Variants in MTMR10 observed in about 807,000 individuals in gnomAD.
The protein encoded by MTMR10 is myotubularin related protein 10.
MTMR10 carries 56 observed loss-of-function variants against 88.1 expected under a neutral mutation model. The observed-to-expected ratio is 0.64, with a 90% CI of 0.51 to 0.79. MTMR10 has a LOEUF of 0.79. MTMR10 is among the 30% of genes least tolerant of loss of function. MTMR10 has a pLI of 0.00. For missense variants in MTMR10, 883 were observed against 924.7 expected (o/e 0.95, Z 0.58); for synonymous variants, 380 against 340.9 (o/e 1.11, Z -1.26).
intron 11 of MTMR10, among the ~76,000 whole-genome samples, chr15:30,952,277 C>T (rs1007430914): frequency 1.3e-5 from 2 of 152,238 alleles, no homozygotes; most frequent in Non-Finnish European, 2.9e-5. Flanking sequence ...AGAGGATTGA[C>T]TGCTTTCTAC....
At chr15:30,969,997 GAAC>G (rs1454341127) in intron 5 of MTMR10, among the ~76,000 whole-genome samples, 1 of 152,090 alleles carries the variant, frequency 6.6e-6, no homozygotes, top group Non-Finnish European at 1.5e-5. Flanking sequence ...CAGAAACCCA[GAAC>G]AACAGTTTCA....
intron 15 of MTMR10, 108 bp downstream of exon 15, chr15:30,942,782 T>C: frequency 8.7e-7 from 1 of 1,146,306 alleles, no homozygotes; most frequent in Non-Finnish European, 1.2e-6. Flanking sequence ...AAACCCGCAT[T>C]AGCAGTGTTA....
chr15:30,987,594 C>T (rs1337752536), intron 2 of MTMR10, among the ~76,000 whole-genome samples: 1 of 152,138 alleles, frequency 6.6e-6, no homozygotes, highest in Non-Finnish European at 1.5e-5. Flanking sequence ...GAAGTTCAAA[C>T]TTTGGGCAAC....
In MTMR10 at chr15:30,947,202, A is replaced by G; in HGVS notation, c.1476T>C (p.Tyr492=). Residue 492 remains tyrosine, a synonymous_variant, in exon 14 of 16, where the codon TAT becomes TAC. Coordinates refer to ENST00000435680, the MANE Select transcript of MTMR10 (RefSeq NM_017762.3). The part of the protein sequence containing the change: ...EFSETYLAVL[Y]DSTRISLFGT... ...CAAACAGTGAGATCCGGGTGCTGTC[A>G]TACAACACTGCCAGGTAGGTTTCGG... 6 of 1,614,020 alleles carry G rather than the reference A, an allele frequency of 3.7e-6. No homozygotes were observed. Among genetic ancestry groups the G allele is most frequent in the Non-Finnish European group, 5.1e-6 (6 of 1,179,886 alleles).
rs765542314 is a variant in MTMR10, at chr15:30,941,846, T to G, written c.1958A>C (p.His653Pro). 2 of 1,614,044 alleles carry G rather than the reference T, an allele frequency of 1.2e-6. No individual in the cohort carries two copies. Among genetic ancestry groups the G allele is most frequent in the Non-Finnish European group, 1.7e-6 (2 of 1,179,904 alleles). Residue 653 changes from histidine to proline, a missense_variant, in exon 16 of 16, where the codon CAC becomes CCC. By Grantham distance (77) the His-to-Pro change is moderately conservative. Transcript: ENST00000435680. ...GVILPRVSGT[H>P]IKLWKLCYFR... is the part of the protein sequence containing the mutation. The stretch of plus-strand genomic sequence containing the variant: ...GTAGCACAGTTTCCACAGTTTTATG[T>G]GTGTTCCAGAGACACGTGGCAGAAT...
intron 2 of MTMR10, among the ~76,000 whole-genome samples, chr15:30,986,227 G>A (rs1462496370): frequency 1.3e-5 from 2 of 152,058 alleles, no homozygotes; most frequent in African/African-American, 4.8e-5. Flanking sequence ...TGAGCTGTGA[G>A]GATCACTCGA....
At chr15:30,972,483 C>T (rs2063549319) in intron 5 of MTMR10, among the ~76,000 whole-genome samples, 1 of 152,028 alleles carries the variant, frequency 6.6e-6, no homozygotes, top group Admixed American at 6.6e-5. Flanking sequence ...GAAACTTGGT[C>T]TTAGGAAAGG....
chr15:30,943,176 G>A, intron 14 of MTMR10, 104 bp from the exon 15 acceptor site: 2 of 1,443,372 alleles, frequency 1.4e-6, no homozygotes, highest in Non-Finnish European at 1.8e-6. Context: ...GTTCTGTACT[G>A]CAGCCCTCAA....
In MTMR10 at chr15:30,940,984, A is replaced by C. The variant is rs1418782995; in HGVS notation, c.*486T>G. Reference sequence around the variant, plus strand: ...AAATCATAAATTCTGGCCCCAGAACACTGAACCTTCATCAGGTGAGTTCAA... The same window carrying C: ...AAATCATAAATTCTGGCCCCAGAACCCTGAACCTTCATCAGGTGAGTTCAA... On this transcript the variant is annotated 3_prime_UTR_variant, in exon 16 of 16. Transcript: ENST00000435680. 1.8e-6 allele frequency: 2 copies of C among 1,133,664 alleles called. No homozygotes were observed. The highest frequency in any genetic ancestry group is 1.1e-6 in the Non-Finnish European group (1 of 914,860). 70.2% of individuals were successfully genotyped at this position (1,133,664 alleles called of 1,614,324 possible). A position where few individuals can be genotyped will look rare whatever the true frequency, so the allele number is the denominator to read the frequency against.
intron 5 of MTMR10, among the ~76,000 whole-genome samples, chr15:30,972,119 A>T (rs1467089312): frequency 6.6e-6 from 1 of 152,214 alleles, no homozygotes; most frequent in Admixed American, 6.6e-5. Context: ...TTTTAAAGCA[A>T]CTGATAAAAT....
chr15:30,938,595 G>A (rs1055173992), downstream of MTMR10, among the ~76,000 whole-genome samples: 2 of 152,170 alleles, frequency 1.3e-5, no homozygotes, highest in African/African-American at 4.8e-5. Context: ...AAGGGGGTGT[G>A]GTAGAAAGGT....
chr15:30,952,332 C>T (rs150882147), intron 11 of MTMR10, among the ~76,000 whole-genome samples: 25 of 152,316 alleles, frequency 1.6e-4, no homozygotes, highest in African/African-American at 6.0e-4. Context: ...TCTTTAGTTA[C>T]TTATACGATT....
At chr15:30,926,553 G>C in the MTMR10 span, 1 of 900,970 alleles carries the variant, frequency 1.1e-6, no homozygotes, top group Non-Finnish European at 1.3e-6. Context: ...ACAAAGCCCA[G>C]GTTCTTTCTG....
intron 6 of MTMR10, among the ~76,000 whole-genome samples, chr15:30,962,054 G>GT (rs1566956283): frequency 6.6e-6 from 1 of 152,154 alleles, no homozygotes; most frequent in Non-Finnish European, 1.5e-5. Context: ...TTGGTTTCCT[G>GT]TATCTACTCG....
At position 30,991,583 on chromosome 15, in the gene MTMR10, T is replaced by A; in HGVS notation, c.-77A>T. The A allele has an allele frequency of 1.3e-6, 2 of 1,490,934 alleles. No individual in the cohort carries two copies. Among genetic ancestry groups the A allele is most frequent in the Non-Finnish European group, 8.9e-7 (1 of 1,124,820 alleles). The allele number at this position is 1,490,934 out of a possible 1,614,324, so 92.4% of individuals were successfully genotyped here. ...ACGCCTCCGGGCGTAAAGCTCTCAG[T>A]GCGGCCGCCCAGGCCCTTTCTGCGG... On this transcript the variant is annotated 5_prime_UTR_variant, in exon 1 of 16. Transcript: ENST00000435680.
intron 2 of MTMR10, among the ~76,000 whole-genome samples, chr15:30,985,677 G>A (rs2141070532): frequency 6.6e-6 from 1 of 152,352 alleles, no homozygotes; most frequent in Middle Eastern, 3.4e-3. Context: ...AGTATGTTCA[G>A]AAACATGCCT....
chr15:30,926,981 C>T, the MTMR10 span: 1 of 985,256 alleles, frequency 1.0e-6, no homozygotes, highest in African/African-American at 1.7e-5. Context: ...AAAATGATTT[C>T]ACTTATAACA....
intron 12 of MTMR10, chr15:30,948,998 C>T (rs1033140058): frequency 6.5e-6 from 1 of 153,018 alleles, no homozygotes; most frequent in Admixed American, 6.5e-5. Context: ...TGACCAATAT[C>T]CCTTATGATT....
In MTMR10 at chr15:30,941,225, C is replaced by CA. The variant is rs761535961; in HGVS notation, c.*244dup. On this transcript the variant is annotated 3_prime_UTR_variant, in exon 16 of 16. Coordinates refer to ENST00000435680, the MANE Select transcript of MTMR10 (RefSeq NM_017762.3). ...ACAAAAATGTAGCAGACAACATGAA[C>CA]AGTTTGATCACGGTTACAAGAGCCA... The CA allele has an allele frequency of 7.1e-7, 1 of 1,406,978 alleles. No individual in the cohort carries two copies. Among genetic ancestry groups the CA allele is most frequent in the Middle Eastern group, 1.9e-4 (1 of 5,370 alleles). The allele number at this position is 1,406,978 out of a possible 1,614,324, so 87.2% of individuals were successfully genotyped here.
Sources: allele counts gnomAD v4.1 joint callset (sites outside exome capture counted in the v4.1 genomes callset), GRCh38; gene constraint gnomAD v4.1.1; transcripts MANE v1.5; gene names NCBI Gene and HGNC (gene_info 2026-07-23, HGNC 2026-07-21).